CERS6: variants seen among roughly 807,000 people sequenced by gnomAD.
CERS6 encodes LAG1 homolog, ceramide synthase 6.
CERS6 carries 26 observed loss-of-function variants against 56.8 expected under a neutral mutation model. The ratio of observed to expected loss-of-function variants is 0.46; its 90% CI spans 0.34 to 0.63. The LOEUF is 0.63. CERS6 is among the 30% of genes least tolerant of loss of function. The pLI is 0.01. For synonymous variants in CERS6, 164 were observed against 173.3 expected, an observed-to-expected ratio of 0.95 and a Z score of 0.42; for missense variants, 415 against 467.5, an observed-to-expected ratio of 0.89 and a Z score of 1.04.
rs183946224 is a variant in CERS6 at position 168,600,543 on chromosome 2, A to G, written c.408-30442A>G. 3.9e-5 allele frequency among the ~76,000 whole-genome samples: 6 copies of G among 152,248 alleles called. No individual in the cohort carries two copies. In the East Asian group the frequency reaches 1.2e-3, roughly 29 times the overall value. ...TAAAGCAAGAGGAAAATCCCTGAAA[A>G]TCTATATCCTTGCCCCAGACCCTTT... On this transcript the variant is annotated intron_variant, in intron 3 of 9. Transcript: ENST00000305747.
chr2:168,745,743 C>T (rs1684079690), intron 8 of CERS6, among the ~76,000 whole-genome samples: 1 of 152,172 alleles, frequency 6.6e-6, no homozygotes, highest in South Asian at 2.1e-4. Flanking sequence ...ATCCAGAAGT[C>T]TGGGTTCAGT....
At chr2:168,546,037 CTG>C (rs572044411) in intron 1 of CERS6, among the ~76,000 whole-genome samples, 47 of 152,278 alleles carry the variant, frequency 3.1e-4, no homozygotes, top group African/African-American at 7.7e-4. Context: ...TCACCCCGCT[CTG>C]TTGTACCTTA....
At chr2:168,463,049 G>A (rs946697897) in intron 1 of CERS6, among the ~76,000 whole-genome samples, 5 of 152,082 alleles carry the variant, frequency 3.3e-5, no homozygotes, top group Non-Finnish European at 7.4e-5. Flanking sequence ...TACTTTACGT[G>A]GTTACTTTAT....
intron 8 of CERS6, among the ~76,000 whole-genome samples, chr2:168,745,237 C>T (rs546144072): frequency 2.4e-5 from 3 of 126,248 alleles, no homozygotes; most frequent in East Asian, 2.5e-4. Context: ...TTATGTTTAT[C>T]AGTTTAAAAA....
intron 4 of CERS6, among the ~76,000 whole-genome samples, chr2:168,652,134 C>A (rs75147620): frequency 0.031 from 4,711 of 150,760 alleles, 189 homozygotes; most frequent in African/African-American, 0.094. Flanking sequence ...GTCACATTTG[C>A]TGATGGGCTG....
In CERS6 at chr2:168,606,058, GCAC is replaced by G. The variant is rs1684045362; in HGVS notation, c.408-24925_408-24923del. 2.6e-5 allele frequency among the ~76,000 whole-genome samples: 4 copies of G among 152,314 alleles called. No individual in the cohort carries two copies. In the South Asian group the frequency reaches 8.3e-4, roughly 32 times the overall value. On this transcript the variant is annotated intron_variant, in intron 3 of 9. Transcript: ENST00000305747. The stretch of plus-strand genomic sequence containing the variant: ...TAGATCCACCAGCAGCTTGGACCCT[GCAC>G]CTGGAAAAGCTGCAGTGCTCACTGC...
rs1010219622 is a variant in CERS6, at chr2:168,721,017, T to G, written c.845+3039T>G. Among the ~76,000 whole-genome samples the G allele has an allele frequency of 3.9e-5, 6 of 152,174 alleles. No homozygotes were observed. The East Asian group carries it at 1.2e-3, about 29-fold the overall frequency. On this transcript the variant is annotated intron_variant, in intron 8 of 9. Coordinates refer to ENST00000305747, the MANE Select transcript of CERS6 (RefSeq NM_203463.3). ...CAAGATTATAATGGACCTAAAAAGT[T>G]CCTATGAGAACATCATAGCGCAATG...
intron 1 of CERS6, among the ~76,000 whole-genome samples, chr2:168,491,232 A>C (rs566994268): frequency 1.1e-4 from 16 of 152,380 alleles, no homozygotes; most frequent in African/African-American, 3.8e-4. Flanking sequence ...AATATGAGGA[A>C]GGAAAGAGGA....
At chr2:168,477,179 G>C (rs1477147454) in intron 1 of CERS6, among the ~76,000 whole-genome samples, 1 of 65,840 alleles carries the variant, frequency 1.5e-5, no homozygotes, top group Non-Finnish European at 3.1e-5. Context: ...GAGACAGAGA[G>C]AGAGAGAGAG....
Position 168,771,952 on chromosome 2 carries a change from A to G in CERS6, c.*2290A>G, listed in dbSNP as rs369894547. On this transcript the variant is annotated 3_prime_UTR_variant, in exon 10 of 10. Transcript: ENST00000305747. ...TGGCATTCACTTCACACAGTCGTCTATGTTATCCAGAGATTTTTATTTCAT... is the reference window on the plus strand; with the variant it reads ...TGGCATTCACTTCACACAGTCGTCTGTGTTATCCAGAGATTTTTATTTCAT... 6.6e-5 allele frequency: 10 copies of G among 152,302 alleles called. No individual in the cohort carries two copies. In the East Asian group the frequency reaches 7.7e-4, roughly 12 times the overall value. 9.4% of individuals were successfully genotyped at this position (152,302 alleles called of 1,614,324 possible). A position where few individuals can be genotyped will look rare whatever the true frequency, so the allele number is the denominator to read the frequency against.
chr2:168,499,346 G>A (rs1161334652), intron 1 of CERS6, among the ~76,000 whole-genome samples: 1 of 152,106 alleles, frequency 6.6e-6, no homozygotes, highest in African/African-American at 2.4e-5. Context: ...CCATAAACTT[G>A]GTTTTAGGTA....
At chr2:168,501,908 A>G (rs1694587326) in intron 1 of CERS6, among the ~76,000 whole-genome samples, 1 of 152,220 alleles carries the variant, frequency 6.6e-6, no homozygotes, top group African/African-American at 2.4e-5. Context: ...CTTATTGGCA[A>G]GGGAAAGCTG....
At chr2:168,561,489 G>C (rs1695789761) in intron 3 of CERS6, among the ~76,000 whole-genome samples, 167 bp downstream of exon 3, 1 of 152,172 alleles carries the variant, frequency 6.6e-6, no homozygotes, top group Non-Finnish European at 1.5e-5. Flanking sequence ...AAGAATTTGT[G>C]ACTTCCCCTT....
chr2:168,518,640 G>A (rs1015874470), intron 1 of CERS6, among the ~76,000 whole-genome samples: 5 of 151,988 alleles, frequency 3.3e-5, no homozygotes, highest in African/African-American at 1.2e-4. Flanking sequence ...GCTCTCTGAC[G>A]TGATCCCTTG....
At chr2:168,513,149 A>G (rs929579022) in intron 1 of CERS6, among the ~76,000 whole-genome samples, 3 of 152,182 alleles carry the variant, frequency 2.0e-5, no homozygotes, top group Non-Finnish European at 4.4e-5. Context: ...AGTTTTTTAG[A>G]AAACCTTTAG....
At position 168,774,679 on chromosome 2, in the gene CERS6, G is replaced by C. The variant is rs939686321; in HGVS notation, c.*5017G>C. On this transcript the variant is annotated 3_prime_UTR_variant, in exon 10 of 10. Coordinates refer to ENST00000305747, the MANE Select transcript of CERS6 (RefSeq NM_203463.3). ...AGAAATGAGTTATGGAATAGGAACA[G>C]TTATGTGATGATTCTGAAACTTTAA... 6.6e-6 allele frequency: 1 copy of C among 151,812 alleles called. No individual in the cohort carries two copies. The allele number at this position is 151,812 out of a possible 1,614,324, so 9.4% of individuals were successfully genotyped here.
chr2:168,564,829 C>T (rs899238342), intron 3 of CERS6, among the ~76,000 whole-genome samples: 4 of 152,164 alleles, frequency 2.6e-5, no homozygotes, highest in African/African-American at 9.7e-5. Flanking sequence ...CACATGCTGC[C>T]TTATGTGGTT....
At position 168,456,667 on chromosome 2, in the gene CERS6, C is replaced by G; in HGVS notation, c.170+49C>G. ...TCCCCTCCCCCTGCGCACACACACG[C>G]GCGCACACACTCGCGCGCTCTCTGG... On this transcript the variant is annotated intron_variant, in intron 1 of 9. Transcript: ENST00000305747. This position sits in a 1 kb window ranked among gnomAD's most constrained non-coding sequence, Gnocchi z 4.1. The G allele has an allele frequency of 1.9e-6, 3 of 1,567,912 alleles. No homozygotes were observed. The highest frequency in any genetic ancestry group is 2.6e-6 in the Non-Finnish European group (3 of 1,148,474).
chr2:168,738,253 G>T (rs754538177), intron 8 of CERS6, among the ~76,000 whole-genome samples: 5 of 152,184 alleles, frequency 3.3e-5, no homozygotes, highest in African/African-American at 7.2e-5. Flanking sequence ...TTAGCACAGG[G>T]CTTGTTACAT....
Sources: gnomAD v4.1 joint callset for allele counts (sites outside exome capture counted in the v4.1 genomes callset) on GRCh38, gnomAD v4.1.1 for gene constraint, Gnocchi (gnomAD v3.1) non-coding constraint, MANE v1.5 for transcripts, NCBI Gene and HGNC (gene_info 2026-07-23, HGNC 2026-07-21) for gene names.